UBE2D1: variants seen among roughly 807,000 people sequenced by gnomAD.
UBE2D1 encodes the protein ubiquitin conjugating enzyme E2 D1.
Under a neutral mutation model 24.6 loss-of-function variants are expected in UBE2D1, and 9 were observed. The observed-to-expected ratio is 0.37, with a 90% CI of 0.22 to 0.64. The LOEUF is 0.64. UBE2D1 is among the 30% of genes least tolerant of loss of function. UBE2D1 has a pLI of 0.64. For synonymous variants in UBE2D1, 57 were observed against 57.6 expected (o/e 0.99, Z 0.04); for missense variants, 87 against 177.1 (o/e 0.49, Z 2.89).
chr10:58,351,962 C>G (rs773966593), intron 1 of UBE2D1, among the ~76,000 whole-genome samples: 1 of 151,992 alleles, frequency 6.6e-6, no homozygotes, highest in African/African-American at 2.4e-5. Flanking sequence ...TTATGTGGCA[C>G]GTAACTGTAT....
intron 1 of UBE2D1, among the ~76,000 whole-genome samples, chr10:58,337,630 T>TAAC (rs1252287389): frequency 2.0e-5 from 3 of 152,006 alleles, no homozygotes; most frequent in African/African-American, 7.2e-5. Context: ...TGCTGTAGTG[T>TAAC]AGTAGAGGGT....
At chr10:58,360,008 C>T (rs191858248) in intron 1 of UBE2D1, among the ~76,000 whole-genome samples, 9 of 152,262 alleles carry the variant, frequency 5.9e-5, no homozygotes, top group African/African-American at 1.9e-4. Context: ...ATGTCTAATC[C>T]AGTCACAACC....
In UBE2D1 at chr10:58,368,708, G is replaced by T. The variant is rs1345552854; in HGVS notation, c.399-12G>T. Reference sequence around the variant, plus strand: ...TGTATGTTTTTACTATATCCTTTTTGTGTATCTACAGATACAACAGACATG... The same window carrying T: ...TGTATGTTTTTACTATATCCTTTTTTTGTATCTACAGATACAACAGACATG... On this transcript the variant is annotated splice_polypyrimidine_tract_variant and intron_variant, in intron 6 of 6. Transcript: ENST00000373910. 1 of 1,553,654 alleles carries T rather than the reference G, an allele frequency of 6.4e-7. No individual in the cohort carries two copies. The highest frequency in any genetic ancestry group is 8.7e-7 in the Non-Finnish European group (1 of 1,146,964).
At chr10:58,363,442 G>A (rs1381816065) in intron 3 of UBE2D1, among the ~76,000 whole-genome samples, 167 bp from the exon 4 acceptor site, 1 of 151,952 alleles carries the variant, frequency 6.6e-6, no homozygotes, top group East Asian at 1.9e-4. Context: ...TAAATGATTT[G>A]AACTTATGAC....
chr10:58,362,725 G>C (rs1840213737), intron 3 of UBE2D1, among the ~76,000 whole-genome samples: 1 of 151,806 alleles, frequency 6.6e-6, no homozygotes, highest in African/African-American at 2.4e-5. Flanking sequence ...TGATAAACTA[G>C]AATTGTTTAA....
intron 1 of UBE2D1, among the ~76,000 whole-genome samples, chr10:58,338,277 T>C (rs532565230): frequency 6.6e-6 from 1 of 152,352 alleles, no homozygotes; most frequent in South Asian, 2.1e-4. Flanking sequence ...GAGATATCAA[T>C]GCTTAAAATA....
chr10:58,342,749 A>G (rs545497343), intron 1 of UBE2D1, among the ~76,000 whole-genome samples: 4 of 151,768 alleles, frequency 2.6e-5, no homozygotes, highest in African/African-American at 9.7e-5. Context: ...GTTGATTTCT[A>G]ATTCCATTAT....
At chr10:58,364,145 A>G (rs1400186364) in intron 4 of UBE2D1, among the ~76,000 whole-genome samples, 1 of 152,092 alleles carries the variant, frequency 6.6e-6, no homozygotes, top group East Asian at 1.9e-4. Context: ...GGTAGGAGAG[A>G]GAAACACATG....
At chr10:58,361,582 C>T (rs764832967) in intron 3 of UBE2D1, 56 bp downstream of exon 3, 54 of 1,606,378 alleles carry the variant, frequency 3.4e-5, no homozygotes, top group Non-Finnish European at 4.4e-5. Flanking sequence ...TCATTCTTGC[C>T]ATTTCACCTT....
chr10:58,353,358 C>T (rs926915185), intron 1 of UBE2D1, among the ~76,000 whole-genome samples: 1 of 152,144 alleles, frequency 6.6e-6, no homozygotes, highest in Non-Finnish European at 1.5e-5. Flanking sequence ...TCTCTGTCCA[C>T]GCCACAGACT....
intron 1 of UBE2D1, among the ~76,000 whole-genome samples, chr10:58,356,076 TG>T (rs1163543375): frequency 6.6e-6 from 1 of 152,174 alleles, no homozygotes; most frequent in African/African-American, 2.4e-5. Context: ...TTTATATTTA[TG>T]TATTTATTTA....
intron 5 of UBE2D1, among the ~76,000 whole-genome samples, chr10:58,365,609 G>A (rs1484829440): frequency 2.6e-5 from 4 of 152,112 alleles, no homozygotes; most frequent in Non-Finnish European, 4.4e-5. Flanking sequence ...TGGATTATCA[G>A]GTGTATACAT....
At chr10:58,351,076 C>T (rs767307944) in intron 1 of UBE2D1, among the ~76,000 whole-genome samples, 21 of 152,080 alleles carry the variant, frequency 1.4e-4, no homozygotes, top group Admixed American at 5.2e-4. Context: ...AAATGGAGTT[C>T]GCAGGACTGG....
chr10:58,368,182 C>A (rs1840277626), intron 6 of UBE2D1, 166 bp downstream of exon 6: 3 of 521,032 alleles, frequency 5.8e-6, no homozygotes, highest in African/African-American at 1.9e-5. Context: ...TCTGTTAGAC[C>A]TTTTATGATA....
chr10:58,352,442 A>G (rs1035969081), intron 1 of UBE2D1, among the ~76,000 whole-genome samples: 1 of 151,882 alleles, frequency 6.6e-6, no homozygotes, highest in African/African-American at 2.4e-5. Flanking sequence ...CCTACTTGTA[A>G]TAACTGGCAA....
At position 58,369,888 on chromosome 10, in the gene UBE2D1, C is replaced by T. The variant is rs141070107; in HGVS notation, c.*1123C>T. ...TAAAAGTACTGAAATGAGTATAAGG[C>T]AGTATCACCCATCCAAAAGAAAGGT... On this transcript the variant is annotated 3_prime_UTR_variant, in exon 7 of 7. Coordinates refer to ENST00000373910, the MANE Select transcript of UBE2D1 (RefSeq NM_003338.5). 6.6e-6 allele frequency: 1 copy of T among 151,998 alleles called. No homozygotes were observed. Among genetic ancestry groups the T allele is most frequent in the East Asian group, 1.9e-4 (1 of 5,306 alleles). The allele number at this position is 151,998 out of a possible 1,614,324, so 9.4% of individuals were successfully genotyped here.
At chr10:58,343,863 G>T (rs1839987757) in intron 1 of UBE2D1, among the ~76,000 whole-genome samples, 1 of 152,180 alleles carries the variant, frequency 6.6e-6, no homozygotes, top group South Asian at 2.1e-4. Context: ...GTAGGTATTG[G>T]TAGGCATGTT....
chr10:58,357,716 T>C (rs935354557), intron 1 of UBE2D1, among the ~76,000 whole-genome samples: 2 of 152,130 alleles, frequency 1.3e-5, no homozygotes, highest in African/African-American at 4.8e-5. Context: ...AGGACGTATT[T>C]CCAGACACAT....
Position 58,361,489 on chromosome 10 carries a change from T to C in UBE2D1, c.89-6T>C. The C allele has an allele frequency of 6.2e-7, 1 of 1,614,178 alleles. No homozygotes were observed. The highest frequency in any genetic ancestry group is 8.5e-7 in the Non-Finnish European group (1 of 1,180,022). On this transcript the variant is annotated splice_region_variant and splice_polypyrimidine_tract_variant and intron_variant, in intron 2 of 6. Transcript: ENST00000373910. Reference sequence around the variant, plus strand: ...AATGACTCCAAAACTCCTTTGTTTGTTTCAGTGTTCCACTGGCAAGCCACT... The same window carrying C: ...AATGACTCCAAAACTCCTTTGTTTGCTTCAGTGTTCCACTGGCAAGCCACT...
Sources: gnomAD v4.1 joint callset for allele counts (sites outside exome capture counted in the v4.1 genomes callset) on GRCh38, gnomAD v4.1.1 for gene constraint, MANE v1.5 for transcripts, NCBI Gene and HGNC (gene_info 2026-07-23, HGNC 2026-07-21) for gene names.